FBN1: variants seen among roughly 807,000 people sequenced by gnomAD.
FBN1 encodes fibrillin-1.
Under a neutral mutation model 365.1 loss-of-function variants are expected in FBN1, and 29 were observed. The observed-to-expected ratio is 0.08, with a 90% CI of 0.06 to 0.11. The LOEUF is 0.11. Ranked by LOEUF, FBN1 falls within the 10% of genes least tolerant of loss-of-function variation. FBN1 has a pLI of 1.00. For synonymous variants in FBN1, 1,210 were observed against 1,270.5 expected (o/e 0.95, Z 1.01); for missense variants, 2,476 against 3,703.2 (o/e 0.67, Z 8.60).
At chr15:48,570,899 T>C (rs932426083) in intron 6 of FBN1, among the ~76,000 whole-genome samples, 4 of 152,300 alleles carry the variant, frequency 2.6e-5, no homozygotes, top group African/African-American at 9.6e-5. Context: ...TGGAAGGGAT[T>C]CTGCCTGTGG....
At chr15:48,643,968 C>A (rs1032882396) in intron 2 of FBN1, 1 of 152,500 alleles carries the variant, frequency 6.6e-6, no homozygotes, top group Non-Finnish European at 1.5e-5. Context: ...GTTAAAAATA[C>A]TCCCTTAAGG....
chr15:48,462,261 T>C (rs974335182), intron 42 of FBN1, among the ~76,000 whole-genome samples: 20 of 152,206 alleles, frequency 1.3e-4, no homozygotes, highest in Admixed American at 1.2e-3. Flanking sequence ...GCAAATGATG[T>C]CATCATCATA....
At chr15:48,497,079 TA>T (rs1381341834) in intron 19 of FBN1, among the ~76,000 whole-genome samples, 186 bp downstream of exon 19, 1 of 152,222 alleles carries the variant, frequency 6.6e-6, no homozygotes, top group African/African-American at 2.4e-5. Flanking sequence ...TCGTTATTCA[TA>T]AACTGTGAAG....
chr15:48,485,510 AAAT>A lies in FBN1; in HGVS notation c.3590-17_3590-15del, dbSNP rs1372563342. The stretch of plus-strand genomic sequence containing the variant: ...ATTCATCAATGTCTAAAAGAAATGA[AAAT>A]AATATCACCTTCTGATATGGTTTGG... On this transcript the variant is annotated splice_polypyrimidine_tract_variant and intron_variant, in intron 29 of 65. Coordinates refer to ENST00000316623, the MANE Select transcript of FBN1 (RefSeq NM_000138.5). 9 of 1,614,022 alleles carry A rather than the reference AAAT, an allele frequency of 5.6e-6. No individual in the cohort carries two copies. Among genetic ancestry groups the A allele is most frequent in the Non-Finnish European group, 7.6e-6 (9 of 1,179,938 alleles).
In FBN1 at chr15:48,485,367, T is replaced by C; in HGVS notation, c.3712+7A>G. On this transcript the variant is annotated splice_region_variant and intron_variant, in intron 30 of 65. Transcript: ENST00000316623. ...AGAGATTCAACATGAGGCTAGAACC[T>C]ACTCACCGGTGCATGATCTCTGGTC... 6.2e-7 allele frequency: 1 copy of C among 1,614,178 alleles called. No individual in the cohort carries two copies. The highest frequency in any genetic ancestry group is 1.1e-5 in the South Asian group (1 of 91,084).
chr15:48,430,491 C>T (rs572840457), intron 56 of FBN1, among the ~76,000 whole-genome samples, 180 bp downstream of exon 56: 23 of 152,276 alleles, frequency 1.5e-4, no homozygotes, highest in Admixed American at 1.5e-3. Flanking sequence ...AATGACAGTG[C>T]TCTTGGAATT....
chr15:48,586,861 A>G (rs931614264), intron 6 of FBN1, among the ~76,000 whole-genome samples: 2 of 152,248 alleles, frequency 1.3e-5, no homozygotes, highest in African/African-American at 4.8e-5. Context: ...TGACTGTCAA[A>G]ATAATAAGAA....
At chr15:48,502,214 G>A (rs904681413) in intron 17 of FBN1, among the ~76,000 whole-genome samples, 13 of 151,950 alleles carry the variant, frequency 8.6e-5, no homozygotes, top group South Asian at 2.1e-4. Context: ...TTGTTTGTTC[G>A]TTTGTATTTT....
chr15:48,522,000 C>T (rs139571727), intron 9 of FBN1, among the ~76,000 whole-genome samples: 591 of 152,304 alleles, frequency 3.9e-3, no homozygotes, highest in African/African-American at 0.013. Flanking sequence ...GCTGGCATTA[C>T]TGCCTGAGCC....
At chr15:48,601,101 A>T (rs887009622) in intron 4 of FBN1, among the ~76,000 whole-genome samples, 4 of 152,166 alleles carry the variant, frequency 2.6e-5, no homozygotes, top group African/African-American at 9.7e-5. Flanking sequence ...ACTAAATAAG[A>T]TCCTCATTTT....
At chr15:48,637,190 A>G (rs1890109925) in intron 2 of FBN1, among the ~76,000 whole-genome samples, 1 of 152,040 alleles carries the variant, frequency 6.6e-6, no homozygotes, top group African/African-American at 2.4e-5. Flanking sequence ...GTGGACTCTC[A>G]CTGTGACTCC....
chr15:48,443,936 A>T (rs2043135177), intron 49 of FBN1, among the ~76,000 whole-genome samples: 1 of 152,108 alleles, frequency 6.6e-6, no homozygotes, highest in Admixed American at 6.6e-5. Context: ...AGAGGCTGAG[A>T]CAGGATGATC....
In FBN1 at chr15:48,421,631, C is replaced by G; in HGVS notation, c.7626G>C (p.Gln2542His). The G allele has an allele frequency of 6.2e-7, 1 of 1,613,916 alleles. No individual in the cohort carries two copies. Among genetic ancestry groups the G allele is most frequent in the Non-Finnish European group, 8.5e-7 (1 of 1,179,944 alleles). The change falls in exon 62 of 66, where the codon CAG becomes CAC. Residue 2542 changes from glutamine to histidine, a missense_variant. This residue lies in a region of FBN1 where 1,780 missense variants were observed against 2,840.8 expected (regional missense o/e 0.63). Transcript: ENST00000316623. ...INLCGSKGICQNTPGSFTCEC... is the reference protein window; with the variant it reads ...INLCGSKGICHNTPGSFTCEC... ...CACAGGTGAAGCTTCCAGGAGTGTTCTGGCAAATGCCCTTAGACCCGCACA... is the reference window on the plus strand; with the variant it reads ...CACAGGTGAAGCTTCCAGGAGTGTTGTGGCAAATGCCCTTAGACCCGCACA...
intron 44 of FBN1, among the ~76,000 whole-genome samples, chr15:48,455,848 A>C (rs1369507954): frequency 6.6e-6 from 1 of 151,966 alleles, no homozygotes. Flanking sequence ...TTTTTTTTTT[A>C]ACATTAAAAT....
At chr15:48,486,765 G>A (rs2043510568) in intron 29 of FBN1, among the ~76,000 whole-genome samples, 1 of 152,184 alleles carries the variant, frequency 6.6e-6, no homozygotes, top group Admixed American at 6.5e-5. Flanking sequence ...CAAAGCACAT[G>A]CTGCTACTGT....
At chr15:48,511,597 C>T (rs566395388) in intron 13 of FBN1, among the ~76,000 whole-genome samples, 1 of 152,244 alleles carries the variant, frequency 6.6e-6, no homozygotes, top group East Asian at 1.9e-4. Flanking sequence ...GTGTTTCTGC[C>T]CATCCTTCTA....
In FBN1 at chr15:48,411,008, G is replaced by T. The variant is rs1566888537; in HGVS notation, c.8598C>A (p.Ile2866=). Residue 2866 remains isoleucine (I), a synonymous_variant, in exon 66 of 66, where the codon ATC becomes ATA. Coordinates refer to ENST00000316623, the MANE Select transcript of FBN1 (RefSeq NM_000138.5). ...TGGTGAATTAATGAAGCAAAACCTGGATTTTCATCTTCAGATTATCACCCA... is the reference window on the plus strand; with the variant it reads ...TGGTGAATTAATGAAGCAAAACCTGTATTTTCATCTTCAGATTATCACCCA... The part of the protein sequence containing the change: ...GELGDNLKMK[I]QVLLH 6.2e-7 allele frequency: 1 copy of T among 1,613,402 alleles called. No individual in the cohort carries two copies. Among genetic ancestry groups the T allele is most frequent in the Non-Finnish European group, 8.5e-7 (1 of 1,179,946 alleles).
intron 6 of FBN1, among the ~76,000 whole-genome samples, chr15:48,583,614 G>A (rs551101944): frequency 2.0e-5 from 3 of 152,184 alleles, no homozygotes; most frequent in South Asian, 2.1e-4. Flanking sequence ...CTTATATTTC[G>A]TTATTGGCCT....
At chr15:48,445,201 T>C (rs2043147668) in intron 48 of FBN1, among the ~76,000 whole-genome samples, 175 bp downstream of exon 48, 1 of 140,726 alleles carries the variant, frequency 7.1e-6, no homozygotes, top group African/African-American at 2.6e-5. Flanking sequence ...TATATACATA[T>C]ATATATGTGT....
Sources: gnomAD v4.1 joint callset for allele counts (sites outside exome capture counted in the v4.1 genomes callset) on GRCh38, gnomAD v4.1.1 for gene constraint, gnomAD v4.1.1 regional missense constraint, MANE v1.5 for transcripts, NCBI Gene and HGNC (gene_info 2026-07-23, HGNC 2026-07-21) for gene names.